Variants in ZFP2 observed in about 807,000 individuals in gnomAD.
The protein encoded by ZFP2 is ZFP2 zinc finger protein, also known as zinc finger protein ZFP2.
In ZFP2, 33 loss-of-function variants were observed where a neutral mutation model predicts 36.1. The ratio of observed to expected loss-of-function variants is 0.92; its 90% CI spans 0.69 to 1.22. The LOEUF (loss-of-function observed/expected upper bound fraction) is 1.22. Ranked by LOEUF, ZFP2 falls within the 50% of genes most tolerant of loss-of-function variation. The pLI, the probability that ZFP2 is intolerant of heterozygous loss-of-function variation, is 0.00. For missense variants in ZFP2, 522 were observed against 551.4 expected (o/e 0.95, Z 0.53); for synonymous variants, 170 against 178.0 (o/e 0.96, Z 0.36).
chr5:178,914,532 C>T (rs888469670), intron 3 of ZFP2, among the ~76,000 whole-genome samples: 6 of 152,066 alleles, frequency 3.9e-5, no homozygotes, highest in African/African-American at 1.4e-4. Flanking sequence ...ATGTAAATAA[C>T]CTATTTATTC....
rs1343942636 is a variant in ZFP2, at chr5:178,931,642, C to T, written c.329C>T (p.Thr110Ile). ...TATGAATGTAATCAGTGCAGCAAAA[C>T]CTTCAGTCAGAGCTCATCCCTTCTT... ...KIYECNQCSK[T>I]FSQSSSLLKH... is the part of the protein sequence containing the mutation. Residue 110 changes from threonine to isoleucine, a missense_variant, in exon 5 of 5, where the codon ACC becomes ATC. By Grantham distance (89) the Thr-to-Ile change is moderately conservative. Coordinates refer to ENST00000361362, the MANE Select transcript of ZFP2 (RefSeq NM_030613.4). 5.6e-6 allele frequency: 9 copies of T among 1,614,016 alleles called. No individual in the cohort carries two copies. Among genetic ancestry groups the T allele is most frequent in the South Asian group, 2.2e-5 (2 of 91,080 alleles).
chr5:178,901,087 G>A (rs1758049539), intron 1 of ZFP2, among the ~76,000 whole-genome samples: 1 of 152,172 alleles, frequency 6.6e-6, no homozygotes, highest in African/African-American at 2.4e-5. Flanking sequence ...GACATTTCAA[G>A]TTGTTTCCTG....
In ZFP2 at chr5:178,931,987, A is replaced by G. The variant is rs371198597; in HGVS notation, c.674A>G (p.Gln225Arg). Residue 225 changes from glutamine (Q) to arginine (R), a missense_variant, in exon 5 of 5, where the codon CAA becomes CGA. Coordinates refer to ENST00000361362, the MANE Select transcript of ZFP2 (RefSeq NM_030613.4). ...AATGAATGTGGTAAAGCTTTTACCCAAAGCATGAATTTGACAGTTCATCAG... is the reference window on the plus strand; with the variant it reads ...AATGAATGTGGTAAAGCTTTTACCCGAAGCATGAATTTGACAGTTCATCAG... ...KCNECGKAFT[Q>R]SMNLTVHQRT... 5.4e-5 allele frequency: 87 copies of G among 1,613,768 alleles called. No homozygotes were observed. The highest frequency in any genetic ancestry group is 6.9e-5 in the Non-Finnish European group (82 of 1,179,898).
At chr5:178,916,115 T>G (rs1758426197) in intron 3 of ZFP2, among the ~76,000 whole-genome samples, 1 of 148,650 alleles carries the variant, frequency 6.7e-6, no homozygotes, top group African/African-American at 2.5e-5. Context: ...CTGGTGAAGG[T>G]GAGTGGTCCA....
chr5:178,920,166 TC>T (rs1758525511), intron 4 of ZFP2, among the ~76,000 whole-genome samples: 1 of 152,186 alleles, frequency 6.6e-6, no homozygotes, highest in Non-Finnish European at 1.5e-5. Context: ...GTCCCATACA[TC>T]CCTGAGGTGC....
chr5:178,903,983 C>A (rs998160214), intron 1 of ZFP2, among the ~76,000 whole-genome samples: 1 of 151,654 alleles, frequency 6.6e-6, no homozygotes, highest in Non-Finnish European at 1.5e-5. Context: ...GAGTGAGACT[C>A]CATCTCCAAA....
At chr5:178,912,807 CCT>C (rs1409447176) in intron 2 of ZFP2, 88 bp downstream of exon 2, 1 of 976,152 alleles carries the variant, frequency 1.0e-6, no homozygotes, top group Non-Finnish European at 1.2e-6. Context: ...TGCTTGGTGT[CCT>C]CTCTTTCAAG....
At chr5:178,923,049 A>G (rs1245365164) in intron 4 of ZFP2, among the ~76,000 whole-genome samples, 2 of 149,580 alleles carry the variant, frequency 1.3e-5, no homozygotes, top group East Asian at 1.9e-4. Flanking sequence ...ATTTTCAAAC[A>G]TGAGGATTTC....
chr5:178,907,338 A>G (rs10059618), intron 1 of ZFP2, among the ~76,000 whole-genome samples: 28,892 of 151,132 alleles, frequency 0.19, 2,992 homozygotes, highest in Non-Finnish European at 0.24. Flanking sequence ...TATATTTTAT[A>G]TAGTTAAAAT....
At chr5:178,908,280 C>T (rs1365811980) in intron 1 of ZFP2, among the ~76,000 whole-genome samples, 1 of 151,966 alleles carries the variant, frequency 6.6e-6, no homozygotes, top group African/African-American at 2.4e-5. Context: ...AACCCTGTCT[C>T]TACTAAAAAT....
At position 178,932,631 on chromosome 5, in the gene ZFP2, T is replaced by C. The variant is rs747083899; in HGVS notation, c.1318T>C (p.Cys440Arg). Residue 440 changes from cysteine (C) to arginine (R), a missense_variant, in exon 5 of 5, where the codon TGT becomes CGT. Coordinates refer to ENST00000361362, the MANE Select transcript of ZFP2 (RefSeq NM_030613.4). ...TCATACAGGAGAGAAACCCTATCAGTGTAATGAATGCGGAAAAGCCTTCAG... is the reference window on the plus strand; with the variant it reads ...TCATACAGGAGAGAAACCCTATCAGCGTAATGAATGCGGAAAAGCCTTCAG... ...RTHTGEKPYQ[C>R]NECGKAFSRS... is the part of the protein sequence containing the mutation. 8 of 1,613,682 alleles carry C rather than the reference T, an allele frequency of 5.0e-6. No individual in the cohort carries two copies. Among genetic ancestry groups the C allele is most frequent in the Non-Finnish European group, 6.8e-6 (8 of 1,179,864 alleles).
chr5:178,900,343 C>G (rs1217950062), intron 1 of ZFP2, among the ~76,000 whole-genome samples: 1 of 147,064 alleles, frequency 6.8e-6, no homozygotes, highest in Non-Finnish European at 1.5e-5. Flanking sequence ...TCCCCCTCCC[C>G]AGCCAGACAG....
chr5:178,898,904 C>T (rs1757991893), intron 1 of ZFP2, among the ~76,000 whole-genome samples: 1 of 152,186 alleles, frequency 6.6e-6, no homozygotes, highest in Non-Finnish European at 1.5e-5. Flanking sequence ...TATATGCAAG[C>T]TGGTGCTGGT....
intron 1 of ZFP2, among the ~76,000 whole-genome samples, chr5:178,905,827 C>G (rs116636483): frequency 7.9e-5 from 12 of 152,076 alleles, no homozygotes; most frequent in African/African-American, 2.9e-4. Context: ...TCTCAGCCCA[C>G]TGCAACCTCT....
At chr5:178,896,419 A>G (rs1757941116) in intron 1 of ZFP2, among the ~76,000 whole-genome samples, 1 of 151,968 alleles carries the variant, frequency 6.6e-6, no homozygotes, top group Non-Finnish European at 1.5e-5. Context: ...AGCGAACCTA[A>G]CCCGCGGACA....
intron 1 of ZFP2, among the ~76,000 whole-genome samples, chr5:178,903,990 CAAAAAAG>C (rs937122461): frequency 2.0e-5 from 3 of 148,392 alleles, no homozygotes; most frequent in African/African-American, 5.0e-5. Flanking sequence ...ACTCCATCTC[CAAAAAAG>C]AAAAAAGAAA....
At chr5:178,914,056 C>T (rs1186588616) in intron 3 of ZFP2, 1 of 152,098 alleles carries the variant, frequency 6.6e-6, no homozygotes, top group African/African-American at 2.4e-5. Flanking sequence ...CGGGGTTTCA[C>T]TGTGTTAGCC....
chr5:178,926,385 G>A (rs2113118936), intron 4 of ZFP2, among the ~76,000 whole-genome samples: 1 of 152,254 alleles, frequency 6.6e-6, no homozygotes, highest in African/African-American at 2.4e-5. Context: ...TAGTGTAAAT[G>A]GATTCTCCTT....
Position 178,932,358 on chromosome 5 carries a change from A to G in ZFP2, c.1045A>G (p.Thr349Ala). 1 of 1,614,180 alleles carries G rather than the reference A, an allele frequency of 6.2e-7. No individual in the cohort carries two copies. Among genetic ancestry groups the G allele is most frequent in the South Asian group, 1.1e-5 (1 of 91,082 alleles). ...SSLTQHRRIH[T>A]GEKPYECMVC... is the part of the protein sequence containing the mutation. ...TCTAACTCAACATCGGAGAATTCAC[A>G]CTGGAGAGAAACCTTATGAGTGTAT... Residue 349 changes from threonine to alanine, a missense_variant, in exon 5 of 5, where the codon ACT (threonine) becomes GCT (alanine). Physicochemically the swap from Thr to Ala is moderately conservative, Grantham distance 58. Coordinates refer to ENST00000361362, the MANE Select transcript of ZFP2 (RefSeq NM_030613.4).
Sources: allele counts gnomAD v4.1 joint callset (sites outside exome capture counted in the v4.1 genomes callset), GRCh38; gene constraint gnomAD v4.1.1; transcripts MANE v1.5; gene names NCBI Gene and HGNC (gene_info 2026-07-23, HGNC 2026-07-21).